NDUFAF7: variants seen among roughly 807,000 people sequenced by gnomAD.
NDUFAF7 encodes the protein protein arginine methyltransferase NDUFAF7, mitochondrial.
In NDUFAF7, 48 loss-of-function variants were observed where a neutral mutation model predicts 47.2. The observed-to-expected ratio is 1.02, with a 90% CI of 0.81 to 1.29. The LOEUF (loss-of-function observed/expected upper bound fraction) is 1.29, where lower values mean the gene tolerates loss of function less well. Among genes scored for constraint, NDUFAF7 ranks in the 50% most tolerant of loss-of-function variants. The probability of loss-of-function intolerance (pLI) is 0.00; values close to 1 mark genes in which losing one functional copy is unlikely to be tolerated. For synonymous variants in NDUFAF7, 217 were observed against 190.0 expected, an observed-to-expected ratio of 1.14 and a Z score of -1.17; for missense variants, 635 against 537.6, an observed-to-expected ratio of 1.18 and a Z score of -1.79.
intron 4 of NDUFAF7, among the ~76,000 whole-genome samples, chr2:37,239,066 CT>C (rs1199383115): frequency 6.6e-6 from 1 of 151,602 alleles, no homozygotes; most frequent in Non-Finnish European, 1.5e-5. Flanking sequence ...TCAATGGCAA[CT>C]CTCATATACT....
chr2:37,242,799 AT>A, intron 6 of NDUFAF7, 106 bp downstream of exon 6: 1 of 821,824 alleles, frequency 1.2e-6, no homozygotes, highest in Non-Finnish European at 1.9e-6. Context: ...TGTTGAGGTT[AT>A]TTTTAACTAT....
the NDUFAF7 span, chr2:37,268,262 G>C: frequency 4.3e-6 from 2 of 468,012 alleles, no homozygotes; most frequent in Non-Finnish European, 8.8e-6. Context: ...TGAAAAGACT[G>C]AACAAATGTG....
chr2:37,257,431 C>T (rs558850042), downstream of NDUFAF7, among the ~76,000 whole-genome samples: 1 of 151,802 alleles, frequency 6.6e-6, no homozygotes, highest in Non-Finnish European at 1.5e-5. Context: ...TTTGGGAGGC[C>T]GAGGCGGGCG....
In NDUFAF7 at chr2:37,245,991, C is replaced by G. The variant is rs1175326461; in HGVS notation, c.793-61C>G. ...GCTCATTGAGGAAAAACCTGAAAAA[C>G]CGTAAGGAAGTCATTCTTTTGAATG... On this transcript the variant is annotated intron_variant, in intron 7 of 9. Transcript: ENST00000002125. The G allele has an allele frequency of 1.9e-6, 3 of 1,579,494 alleles. No homozygotes were observed. In the African/African-American group the frequency reaches 4.0e-5, roughly 21 times the overall value.
chr2:37,250,026 ATT>A (rs374474201), downstream of NDUFAF7, among the ~76,000 whole-genome samples: 6 of 148,530 alleles, frequency 4.0e-5, no homozygotes, highest in African/African-American at 1.5e-4. Flanking sequence ...ACATTATGAG[ATT>A]TTTTTTTGCA....
downstream of NDUFAF7, chr2:37,256,627 A>ATT (rs1385820838): frequency 3.8e-5 from 48 of 1,247,356 alleles, no homozygotes; most frequent in African/African-American, 9.4e-4. Context: ...ACATAGCCAA[A>ATT]ATTTTTTTTT....
chr2:37,238,845 C>G (rs926648434), intron 4 of NDUFAF7, among the ~76,000 whole-genome samples: 2 of 144,432 alleles, frequency 1.4e-5, no homozygotes, highest in African/African-American at 5.2e-5. Context: ...TGAGAAAAAT[C>G]AGGCCAAAGA....
intron 4 of NDUFAF7, among the ~76,000 whole-genome samples, chr2:37,239,609 CG>C (rs1558495912): frequency 6.6e-6 from 1 of 152,118 alleles, no homozygotes; most frequent in Non-Finnish European, 1.5e-5. Flanking sequence ...AAATGCCCAT[CG>C]GGGGGTAAAT....
chr2:37,240,385 A>C (rs569878572), intron 4 of NDUFAF7, among the ~76,000 whole-genome samples: 2 of 152,084 alleles, frequency 1.3e-5, no homozygotes, highest in African/African-American at 4.8e-5. Flanking sequence ...TCTGAGTAAC[A>C]AAGTGAGACC....
In NDUFAF7 at chr2:37,247,539, G is replaced by A. The variant is rs1251627987; in HGVS notation, c.1020G>A (p.Leu340=). 5.6e-6 allele frequency: 9 copies of A among 1,613,970 alleles called. No homozygotes were observed. In the African/African-American group the frequency reaches 1.1e-4, roughly 19 times the overall value. ...CAGCTGATGTGGACTTCAGTTATTTGCGAAGAATGGCACAGGGAAAAGTAG... is the reference window on the plus strand; with the variant it reads ...CAGCTGATGTGGACTTCAGTTATTTACGAAGAATGGCACAGGGAAAAGTAG... ...DLTADVDFSY[L]RRMAQGKVAS... is the part of the protein sequence containing the mutation. The change falls in exon 9 of 10, where the codon TTG becomes TTA. Residue 340 remains leucine (L), a synonymous_variant. Coordinates refer to ENST00000002125, the MANE Select transcript of NDUFAF7 (RefSeq NM_144736.5).
chr2:37,247,745 C>G, intron 9 of NDUFAF7, 116 bp downstream of exon 9: 1 of 1,233,662 alleles, frequency 8.1e-7, no homozygotes. Context: ...CCTTGGTATT[C>G]CAGTCTTTTC....
chr2:37,254,106 A>G (rs981061275), downstream of NDUFAF7: 4 of 864,034 alleles, frequency 4.6e-6, no homozygotes, highest in African/African-American at 1.7e-5. Flanking sequence ...GAGCACTTTT[A>G]TTATTCTGCT....
At chr2:37,257,985 T>C (rs1190781150), downstream of NDUFAF7, among the ~76,000 whole-genome samples, 1 of 152,166 alleles carries the variant, frequency 6.6e-6, no homozygotes, top group Non-Finnish European at 1.5e-5. Context: ...GTTGATGAGC[T>C]TGGCAGAACT....
the NDUFAF7 span, chr2:37,268,429 G>A: frequency 4.4e-6 from 2 of 456,872 alleles, no homozygotes; most frequent in Non-Finnish European, 9.0e-6. Context: ...CATTTTCTAG[G>A]CGACTGCTTT....
At chr2:37,260,234 T>C in the NDUFAF7 span, 1 of 1,609,194 alleles carries the variant, frequency 6.2e-7, no homozygotes, top group Non-Finnish European at 8.5e-7. Flanking sequence ...TGTGTGACCA[T>C]GAATTTAGTA....
Position 37,243,838 on chromosome 2 carries a change from T to C in NDUFAF7, c.682-25T>C, listed in dbSNP as rs763235779. ...TAGAGAACAAACTTGCAAAAATTTG[T>C]TTTTATGTGTTATTTTGTGTTTAGA... On this transcript the variant is annotated intron_variant, in intron 6 of 9. Transcript: ENST00000002125. The C allele has an allele frequency of 1.9e-6, 3 of 1,603,446 alleles. No homozygotes were observed. In the South Asian group the frequency reaches 3.3e-5, roughly 18 times the overall value.
downstream of NDUFAF7, among the ~76,000 whole-genome samples, chr2:37,249,729 T>C (rs1431851084): frequency 1.3e-5 from 2 of 151,638 alleles, no homozygotes; most frequent in African/African-American, 2.4e-5. Flanking sequence ...TTCTGTATTA[T>C]GTTTTCATTT....
At chr2:37,250,196 C>T (rs1285854735), downstream of NDUFAF7, among the ~76,000 whole-genome samples, 1 of 151,862 alleles carries the variant, frequency 6.6e-6, no homozygotes, top group Admixed American at 6.6e-5. Context: ...TGCCCAGCCT[C>T]GGGCCACTCC....
chr2:37,235,639 C>CTTGCTTATTTATTTATTTAT (rs146636681), intron 2 of NDUFAF7, among the ~76,000 whole-genome samples: 2 of 149,758 alleles, frequency 1.3e-5, no homozygotes, highest in South Asian at 4.3e-4. Flanking sequence ...ATTTCCCTTG[C>CTTGCTTATTTATTTATTTAT]TTATTTATTT....
Sources: allele counts gnomAD v4.1 joint callset (sites outside exome capture counted in the v4.1 genomes callset), GRCh38; gene constraint gnomAD v4.1.1; transcripts MANE v1.5; gene names NCBI Gene and HGNC (gene_info 2026-07-23, HGNC 2026-07-21).